The following FRYL variants were observed in gnomAD, a reference collection of about 807,000 sequenced individuals.
The protein encoded by FRYL is FRY like transcription coactivator, also known as protein furry homolog-like.
FRYL carries 150 observed loss-of-function variants against 351.2 expected under a neutral mutation model. The observed-to-expected ratio is 0.43, with a 90% CI of 0.37 to 0.49. The LOEUF is 0.49. Among genes scored for constraint, FRYL ranks in the 20% least tolerant of loss-of-function variants. The probability of loss-of-function intolerance (pLI) is 0.00; values close to 1 mark genes in which losing one functional copy is unlikely to be tolerated. For missense variants in FRYL, 3,036 were observed against 3,619.3 expected (o/e 0.84, Z 4.13); for synonymous variants, 1,153 against 1,257.1 (o/e 0.92, Z 1.75).
At chr4:48,703,312 G>A (rs981527932) in intron 2 of FRYL, among the ~76,000 whole-genome samples, 1 of 152,118 alleles carries the variant, frequency 6.6e-6, no homozygotes, top group Non-Finnish European at 1.5e-5. Flanking sequence ...AGAACTGAAA[G>A]AATTTTATAA....
intron 36 of FRYL, among the ~76,000 whole-genome samples, chr4:48,552,749 T>A (rs1172410211): frequency 6.6e-6 from 1 of 152,148 alleles, no homozygotes. Flanking sequence ...TGAAAATGGA[T>A]GGTAAAAAAT....
chr4:48,682,836 CA>C (rs774721071), intron 3 of FRYL, among the ~76,000 whole-genome samples: 2 of 152,158 alleles, frequency 1.3e-5, no homozygotes, highest in African/African-American at 2.4e-5. Flanking sequence ...TAAATTAGTT[CA>C]ACCATTGTGG....
At chr4:48,600,665 G>T (rs889707611) in intron 13 of FRYL, among the ~76,000 whole-genome samples, 27 of 152,070 alleles carry the variant, frequency 1.8e-4, no homozygotes, top group Admixed American at 6.6e-5. Flanking sequence ...AAACAAAGCA[G>T]CCTTCCAGAA....
intron 60 of FRYL, among the ~76,000 whole-genome samples, chr4:48,503,514 A>T (rs1251886954): frequency 6.6e-6 from 1 of 152,232 alleles, no homozygotes; most frequent in African/African-American, 2.4e-5. Flanking sequence ...TGTATGTAAA[A>T]CACAGAGTAA....
At chr4:48,542,146 A>G (rs1463167813) in intron 44 of FRYL, 25 bp from the exon 45 acceptor site, 6 of 1,510,866 alleles carry the variant, frequency 4.0e-6, no homozygotes, top group Admixed American at 3.3e-5. Context: ...GCAGATTTTA[A>G]TTAATTATGC....
At chr4:48,586,588 A>G in intron 19 of FRYL, 33 bp downstream of exon 19, 3 of 1,410,720 alleles carry the variant, frequency 2.1e-6, no homozygotes, top group Non-Finnish European at 3.0e-6. Flanking sequence ...CAGAAGACAT[A>G]AAACAATATA....
At chr4:48,570,764 C>A in intron 27 of FRYL, 63 bp downstream of exon 27, 1 of 1,207,276 alleles carries the variant, frequency 8.3e-7, no homozygotes, top group Admixed American at 1.7e-5. Flanking sequence ...ATTTCATGAG[C>A]GAAAAGAGAT....
intron 26 of FRYL, 120 bp downstream of exon 26, chr4:48,573,066 C>G: frequency 3.0e-6 from 2 of 667,580 alleles, no homozygotes; most frequent in Non-Finnish European, 5.1e-6. Flanking sequence ...GGGGAAGTGT[C>G]TGCATCTTAA....
intron 13 of FRYL, chr4:48,598,954 G>A (rs1164449956): frequency 8.1e-6 from 4 of 491,636 alleles, no homozygotes; most frequent in African/African-American, 2.1e-5. Flanking sequence ...CACAAAACAA[G>A]ACAGCTCTTC....
chr4:48,603,243 T>TA lies in FRYL; in HGVS notation c.933+46dup, dbSNP rs1345281070. ...TCCACTGAATTCATAAATCAATTAC[T>TA]AAAAATCCCAATTAAATATGAAAAG... On this transcript the variant is annotated intron_variant, in intron 12 of 63. Transcript: ENST00000358350. 3.3e-6 allele frequency: 4 copies of TA among 1,228,500 alleles called. No individual in the cohort carries two copies. The Admixed American group carries it at 6.3e-5, about 19-fold the overall frequency. The allele number at this position is 1,228,500 out of a possible 1,614,324, so 76.1% of individuals were successfully genotyped here. A position where few individuals can be genotyped will look rare whatever the true frequency, so the allele number is the denominator to read the frequency against.
At chr4:48,601,795 T>C (rs1320955388) in intron 13 of FRYL, among the ~76,000 whole-genome samples, 1 of 152,176 alleles carries the variant, frequency 6.6e-6, no homozygotes, top group Non-Finnish European at 1.5e-5. Context: ...ACAATAATCT[T>C]GCATTCATTA....
chr4:48,636,640 T>A (rs1390912277), intron 3 of FRYL, among the ~76,000 whole-genome samples: 1 of 151,954 alleles, frequency 6.6e-6, no homozygotes, highest in East Asian at 1.9e-4. Context: ...ATTAAAAAAT[T>A]TGCCTATAAA....
chr4:48,705,661 A>G (rs1387750757), intron 2 of FRYL, among the ~76,000 whole-genome samples: 2 of 152,190 alleles, frequency 1.3e-5, no homozygotes, highest in Admixed American at 6.5e-5. Flanking sequence ...TATAAAACAA[A>G]GTTACATTTT....
chr4:48,776,665 C>G (rs932409737), intron 1 of FRYL, among the ~76,000 whole-genome samples: 2 of 152,246 alleles, frequency 1.3e-5, no homozygotes, highest in South Asian at 4.2e-4. Flanking sequence ...AGAGGAAGAG[C>G]TTGCAGACAA....
chr4:48,604,334 G>A (rs971289518), intron 11 of FRYL, among the ~76,000 whole-genome samples: 1 of 152,182 alleles, frequency 6.6e-6, no homozygotes, highest in African/African-American at 2.4e-5. Flanking sequence ...CTAGTATTAT[G>A]GGTTGAATCA....
intron 1 of FRYL, among the ~76,000 whole-genome samples, chr4:48,761,007 C>CTGTGTG (rs57872533): frequency 0.032 from 4,261 of 134,416 alleles, 85 homozygotes; most frequent in Middle Eastern, 0.045. Flanking sequence ...ATTACTCTGT[C>CTGTGTG]TGTGTGTGTG....
chr4:48,567,293 A>G lies in FRYL; in HGVS notation c.3124T>C (p.Cys1042Arg). The change falls in exon 28 of 64, where the codon TGC (cysteine) becomes CGC (arginine). Residue 1042 changes from cysteine to arginine, a missense_variant. Cys to Arg is a radical substitution (Grantham distance 180). This residue lies in a region of FRYL where 492 missense variants were observed against 551.5 expected (regional missense o/e 0.89). Coordinates refer to ENST00000358350, the MANE Select transcript of FRYL (RefSeq NM_015030.2). The surrounding 1 kb of genome is among the most constrained non-coding windows in gnomAD (Gnocchi z 4.2). ...KDSDTLKDIR[C>R]HFSALVANII... The stretch of plus-strand genomic sequence containing the variant: ...TTCGCCACTAAGGCACTAAAATGGC[A>G]TCGTATATCCTTCAGTGTGTCAGAG... The G allele has an allele frequency of 6.2e-7, 1 of 1,612,374 alleles. No homozygotes were observed. Among genetic ancestry groups the G allele is most frequent in the Admixed American group, 1.7e-5 (1 of 59,774 alleles).
At position 48,547,642 on chromosome 4, in the gene FRYL, A is replaced by C. The variant is rs752458165; in HGVS notation, c.5016T>G (p.Phe1672Leu). The C allele has an allele frequency of 6.2e-7, 1 of 1,606,868 alleles. No homozygotes were observed. The highest frequency in any genetic ancestry group is 8.5e-7 in the Non-Finnish European group (1 of 1,175,078). The part of the protein sequence containing the change: ...VASVLLRNKE[F>L]NEPRVLTVKQ... ...TGACTGTAAGCACCCTGGGCTCATT[A>C]AACTCCTTGTTCCTGAGAAGGACAG... The change falls in exon 41 of 64, where the codon TTT becomes TTG. Residue 1672 changes from phenylalanine to leucine, a missense_variant. Around this residue, in one of 7 missense-constraint regions of FRYL, gnomAD observed 1,987 missense variants for 2,311.7 expected, o/e 0.86. Transcript: ENST00000358350.
chr4:48,606,396 G>C (rs759078626), intron 10 of FRYL, 42 bp downstream of exon 10: 3 of 1,365,616 alleles, frequency 2.2e-6, no homozygotes, highest in African/African-American at 2.9e-5. Context: ...AGCAAGGACT[G>C]TTAGGCTTGC....
Sources: allele counts gnomAD v4.1 joint callset (sites outside exome capture counted in the v4.1 genomes callset), GRCh38; gene constraint gnomAD v4.1.1; regional missense constraint gnomAD v4.1.1; non-coding constraint Gnocchi (gnomAD v3.1); transcripts MANE v1.5; gene names NCBI Gene and HGNC (gene_info 2026-07-23, HGNC 2026-07-21).